Variants in ELF1 observed in about 807,000 individuals in gnomAD.
The protein encoded by ELF1 is E74 like ETS transcription factor 1, also known as ETS-related transcription factor Elf-1.
A neutral mutation model predicts 59.9 loss-of-function variants in ELF1; 24 were observed. The ratio of observed to expected loss-of-function variants is 0.40; its 90% confidence interval spans 0.29 to 0.56. ELF1 has a LOEUF of 0.56. Among genes scored for constraint, ELF1 ranks in the 20% least tolerant of loss-of-function variants. The pLI, the probability that ELF1 is intolerant of heterozygous loss-of-function variation, is 0.44. For missense variants in ELF1, 627 were observed against 742.2 expected, an observed-to-expected ratio of 0.84 and a Z score of 1.80; for synonymous variants, 248 against 266.2, an observed-to-expected ratio of 0.93 and a Z score of 0.67.
intron 2 of ELF1, among the ~76,000 whole-genome samples, chr13:40,977,413 T>C (rs1236442166): frequency 1.3e-5 from 2 of 152,058 alleles, no homozygotes; most frequent in East Asian, 1.9e-4. Context: ...ATCAACAGCA[T>C]TGATATTTCC....
At chr13:41,039,159 G>T (rs1437421541) in intron 1 of ELF1, among the ~76,000 whole-genome samples, 2 of 151,888 alleles carry the variant, frequency 1.3e-5, no homozygotes, top group African/African-American at 4.8e-5. Context: ...CAGCACTTTG[G>T]AAGGCCGAGG....
rs58475819 is a variant in ELF1 at position 40,969,693 on chromosome 13, A to G, written c.73-10677T>C. ...ATTAGGAAACTCTCTCTGAACCGAA[A>G]CTGTTTAAATTAGTTCATTAAATTT... is the stretch of plus-strand genomic sequence containing the variant. On this transcript the variant is annotated intron_variant, in intron 2 of 8. Coordinates refer to ENST00000239882, the MANE Select transcript of ELF1 (RefSeq NM_172373.4). 6.7e-3 allele frequency among the ~76,000 whole-genome samples: 1,026 copies of G among 152,214 alleles called. 9 individuals carry two copies. The highest frequency in any genetic ancestry group is 0.024 in the African/African-American group (980 of 41,540).
At chr13:40,981,407 T>C (rs993992643) in intron 2 of ELF1, among the ~76,000 whole-genome samples, 1 of 152,126 alleles carries the variant, frequency 6.6e-6, no homozygotes, top group African/African-American at 2.4e-5. Context: ...ATCTCCTAGA[T>C]CTTTTTTATG....
intron 1 of ELF1, among the ~76,000 whole-genome samples, chr13:41,024,813 T>C (rs1025992511): frequency 2.0e-5 from 3 of 152,208 alleles, no homozygotes; most frequent in African/African-American, 7.2e-5. Context: ...ATTTTTATAC[T>C]GAGTTTAAAG....
chr13:40,972,635 G>A (rs1872638282), intron 2 of ELF1, among the ~76,000 whole-genome samples: 1 of 152,194 alleles, frequency 6.6e-6, no homozygotes, highest in Admixed American at 6.5e-5. Context: ...CATGTACCAT[G>A]CTATAGGTAA....
Position 40,949,877 on chromosome 13 carries a change from G to A in ELF1, c.458C>T (p.Thr153Ile). 1.2e-6 allele frequency: 2 copies of A among 1,614,004 alleles called. No homozygotes were observed. Among genetic ancestry groups the A allele is most frequent in the Middle Eastern group, 1.6e-4 (1 of 6,062 alleles). The change falls in exon 5 of 9, where the codon ACA (threonine) becomes ATA (isoleucine). Residue 153 changes from threonine (T) to isoleucine (I), a missense_variant. Physicochemically the swap from Thr to Ile is moderately conservative, Grantham distance 89. This residue lies in a region of ELF1 where 232 missense variants were observed against 269.2 expected (regional missense o/e 0.86). Coordinates refer to ENST00000239882, the MANE Select transcript of ELF1 (RefSeq NM_172373.4). ...TLDGIPEVME[T>I]QQVQEKYADS... ...TGCATATTTTTCTTGCACCTGCTGTGTTTCCATCACTTCAGGAATCCCATC... is the reference window on the plus strand; with the variant it reads ...TGCATATTTTTCTTGCACCTGCTGTATTTCCATCACTTCAGGAATCCCATC...
At chr13:41,041,876 C>A (rs76570823) in intron 1 of ELF1, among the ~76,000 whole-genome samples, 1,741 of 152,262 alleles carry the variant, frequency 0.011, 41 homozygotes, top group African/African-American at 0.038. Flanking sequence ...ACCTTCACAT[C>A]TCAATACCTG....
At position 41,017,595 on chromosome 13, in the gene ELF1, CCCTT is replaced by C. The variant is rs1417656919; in HGVS notation, c.-229+1629_-229+1632del. Among the ~76,000 whole-genome samples, 3 of 152,206 alleles carry C rather than the reference CCCTT, an allele frequency of 2.0e-5. No individual in the cohort carries two copies. In the East Asian group the frequency reaches 5.8e-4, roughly 29 times the overall value. ...TTCTCTTCTTTTTACCCCCCCTTCTCCCTTCTCCTTGAAACTCCACTTCAGTCTC... is the reference window on the plus strand; with the variant it reads ...TTCTCTTCTTTTTACCCCCCCTTCTCCTCCTTGAAACTCCACTTCAGTCTC... On this transcript the variant is annotated intron_variant, in intron 1 of 8. Transcript: ENST00000239882.
At chr13:40,988,238 A>G (rs1246058914) in intron 1 of ELF1, among the ~76,000 whole-genome samples, 1 of 152,254 alleles carries the variant, frequency 6.6e-6, no homozygotes, top group Non-Finnish European at 1.5e-5. Context: ...GAGCTGAAAA[A>G]GATCTAAGGA....
intron 3 of ELF1, among the ~76,000 whole-genome samples, chr13:40,952,311 C>T (rs1454218745): frequency 6.6e-6 from 1 of 151,564 alleles, no homozygotes; most frequent in East Asian, 1.9e-4. Context: ...TTGATGACAG[C>T]TCAAAATATA....
chr13:40,991,665 T>C (rs1873859590), intron 1 of ELF1, among the ~76,000 whole-genome samples: 1 of 152,296 alleles, frequency 6.6e-6, no homozygotes, highest in East Asian at 1.9e-4. Flanking sequence ...GTTTTCTAAT[T>C]GTCAATCTCT....
chr13:41,022,165 T>G (rs572784889), upstream of ELF1, among the ~76,000 whole-genome samples: 1 of 152,206 alleles, frequency 6.6e-6, no homozygotes, highest in African/African-American at 2.4e-5. Context: ...TCCATCAATG[T>G]GTGAATGGAT....
intron 2 of ELF1, among the ~76,000 whole-genome samples, chr13:40,976,903 G>A (rs372491067): frequency 6.6e-6 from 1 of 152,140 alleles, no homozygotes; most frequent in African/African-American, 2.4e-5. Context: ...ACACCCTAGA[G>A]AGGAAAGTGC....
At chr13:41,032,280 C>T (rs1271603208) in intron 1 of ELF1, among the ~76,000 whole-genome samples, 1 of 150,022 alleles carries the variant, frequency 6.7e-6, no homozygotes, top group Non-Finnish European at 1.5e-5. Context: ...TGCAATGGTG[C>T]GATCTCGGCT....
chr13:41,044,630 C>G (rs921485849), intron 1 of ELF1, among the ~76,000 whole-genome samples: 1 of 152,148 alleles, frequency 6.6e-6, no homozygotes, highest in Admixed American at 6.5e-5. Context: ...GCCTTGCATT[C>G]CCCCGGATGA....
At chr13:40,968,842 C>A (rs1177516320) in intron 2 of ELF1, among the ~76,000 whole-genome samples, 4 of 151,788 alleles carry the variant, frequency 2.6e-5, no homozygotes, top group African/African-American at 7.3e-5. Flanking sequence ...ACCTCAGCGA[C>A]ATGAATAGCT....
chr13:40,949,953 G>A lies in ELF1; in HGVS notation c.382C>T (p.Pro128Ser). Reference protein sequence around the residue: ...KRINNNIFSSPEDDMVVAPVT... With the variant: ...KRINNNIFSSSEDDMVVAPVT... ...GGGGCAACAACCATGTCATCTTCAGGTGAACTAAATATATTATTATCTAAT... is the reference window on the plus strand; with the variant it reads ...GGGGCAACAACCATGTCATCTTCAGATGAACTAAATATATTATTATCTAAT... Residue 128 changes from proline to serine, a missense_variant, in exon 5 of 9, where the codon CCT (proline) becomes TCT (serine). By Grantham distance (74) the Pro-to-Ser change is moderately conservative. Transcript: ENST00000239882. 1.2e-6 allele frequency: 2 copies of A among 1,612,648 alleles called. No homozygotes were observed. Among genetic ancestry groups the A allele is most frequent in the Non-Finnish European group, 1.7e-6 (2 of 1,179,394 alleles).
intron 1 of ELF1, among the ~76,000 whole-genome samples, chr13:40,989,144 A>C (rs1483855909): frequency 6.6e-6 from 1 of 152,208 alleles, no homozygotes; most frequent in Non-Finnish European, 1.5e-5. Flanking sequence ...TTTACATTAA[A>C]ATATGCGAAT....
chr13:40,940,688 G>A lies in ELF1; in HGVS notation c.1256+233C>T, dbSNP rs113263212. The stretch of plus-strand genomic sequence containing the variant: ...TGTATCAATCCAGTTATACAAAGGT[G>A]TAGTATTTGACAGAATAATGCCAGT... On this transcript the variant is annotated intron_variant, in intron 8 of 8. Transcript: ENST00000239882. 5.3e-3 allele frequency among the ~76,000 whole-genome samples: 813 copies of A among 152,280 alleles called. 10 individuals carry two copies. Among genetic ancestry groups the A allele is most frequent in the African/African-American group, 0.019 (783 of 41,556 alleles).
Sources: gnomAD v4.1 joint callset for allele counts (sites outside exome capture counted in the v4.1 genomes callset) on GRCh38, gnomAD v4.1.1 for gene constraint, gnomAD v4.1.1 regional missense constraint, MANE v1.5 for transcripts, NCBI Gene and HGNC (gene_info 2026-07-23, HGNC 2026-07-21) for gene names.